The following ARHGAP44 variants were observed in gnomAD, a reference collection of about 807,000 sequenced individuals.
The protein encoded by ARHGAP44 is Rho GTPase activating protein 44, also known as rho GTPase-activating protein 44.
In ARHGAP44, 43 loss-of-function variants were observed where a neutral mutation model predicts 106.8. The observed-to-expected ratio is 0.40, with a 90% CI of 0.32 to 0.52. The LOEUF (loss-of-function observed/expected upper bound fraction) is 0.52, where lower values mean the gene tolerates loss of function less well. Among genes scored for constraint, ARHGAP44 ranks in the 20% least tolerant of loss-of-function variants. ARHGAP44 has a pLI of 0.48. For missense variants in ARHGAP44, 866 were observed against 1,050.5 expected, an observed-to-expected ratio of 0.82 and a Z score of 2.43; for synonymous variants, 439 against 410.3, an observed-to-expected ratio of 1.07 and a Z score of -0.85.
chr17:12,809,169 A>G (rs1383015870), intron 1 of ARHGAP44, among the ~76,000 whole-genome samples: 2 of 152,162 alleles, frequency 1.3e-5, no homozygotes, highest in East Asian at 1.9e-4. Context: ...CCATTCAACA[A>G]GTCTCTAGGA....
chr17:12,967,623 T>C (rs542526780), intron 16 of ARHGAP44, among the ~76,000 whole-genome samples: 1 of 152,238 alleles, frequency 6.6e-6, no homozygotes, highest in African/African-American at 2.4e-5. Flanking sequence ...GGCTTAGAAG[T>C]GAGCAGACAA....
rs1567703808 is a variant in ARHGAP44 at position 12,949,608 on chromosome 17, A to G, written c.974-41A>G. 1.3e-6 allele frequency: 2 copies of G among 1,597,920 alleles called. No individual in the cohort carries two copies. Among genetic ancestry groups the G allele is most frequent in the Non-Finnish European group, 8.6e-7 (1 of 1,166,950 alleles). ...CTGGCTGGTGGGTCTTGCCTCTGCC[A>G]CATCATAACAGTTCACAACCAATAT... On this transcript the variant is annotated intron_variant, in intron 11 of 20. Transcript: ENST00000379672. This position sits in a 1 kb window ranked among gnomAD's most constrained non-coding sequence, Gnocchi z 4.1.
At chr17:12,902,063 G>A (rs1182969609) in intron 3 of ARHGAP44, among the ~76,000 whole-genome samples, 2 of 152,096 alleles carry the variant, frequency 1.3e-5, no homozygotes, top group Non-Finnish European at 2.9e-5. Flanking sequence ...TGTTTAAATT[G>A]GAAATCCAGT....
At chr17:12,930,572 A>G (rs1481054653) in intron 7 of ARHGAP44, among the ~76,000 whole-genome samples, 2 of 152,052 alleles carry the variant, frequency 1.3e-5, no homozygotes, top group Non-Finnish European at 2.9e-5. Flanking sequence ...CCATGGATCT[A>G]TGTTCCTCTG....
chr17:12,890,493 G>A (rs957625932), intron 1 of ARHGAP44, among the ~76,000 whole-genome samples: 12 of 152,146 alleles, frequency 7.9e-5, no homozygotes, highest in Admixed American at 5.2e-4. Context: ...GGAATGCAGG[G>A]AACAGAGTCC....
chr17:12,802,362 T>C (rs970161822), intron 1 of ARHGAP44, among the ~76,000 whole-genome samples: 2 of 152,054 alleles, frequency 1.3e-5, no homozygotes, highest in East Asian at 3.9e-4. Flanking sequence ...GACCACAGAG[T>C]GTCCCTGCTG....
Position 12,952,382 on chromosome 17 carries a change from T to G in ARHGAP44, c.1056-119T>G, listed in dbSNP as rs2039011670. The G allele has an allele frequency of 1.3e-5, 10 of 795,694 alleles. No homozygotes were observed. In the South Asian group the frequency reaches 1.7e-4, roughly 14 times the overall value. The allele number at this position is 795,694 out of a possible 1,614,324, so 49.3% of individuals were successfully genotyped here. On this transcript the variant is annotated intron_variant, in intron 12 of 20. Transcript: ENST00000379672. ...ACAACCAAATTTTTAAATACTAGCT[T>G]GCTGATATGGTCAGTTACAGTGGTT...
At chr17:12,978,594 C>A (rs1411711423) in intron 18 of ARHGAP44, among the ~76,000 whole-genome samples, 1 of 152,124 alleles carries the variant, frequency 6.6e-6, no homozygotes, top group Non-Finnish European at 1.5e-5. Flanking sequence ...GTGCTCTATT[C>A]CTATTGGAAT....
intron 1 of ARHGAP44, among the ~76,000 whole-genome samples, chr17:12,881,479 T>G (rs954454314): frequency 2.6e-5 from 4 of 152,122 alleles, no homozygotes; most frequent in African/African-American, 7.2e-5. Flanking sequence ...TCTGTCATTT[T>G]TTTCCATTTT....
chr17:12,869,755 C>T (rs1159017673), intron 1 of ARHGAP44, among the ~76,000 whole-genome samples: 1 of 151,654 alleles, frequency 6.6e-6, no homozygotes, highest in Non-Finnish European at 1.5e-5. Context: ...TTGACTTATA[C>T]CTTAATGTAT....
chr17:12,969,980 C>T (rs558921244), intron 16 of ARHGAP44, among the ~76,000 whole-genome samples: 38 of 152,228 alleles, frequency 2.5e-4, no homozygotes, highest in Admixed American at 1.2e-3. Flanking sequence ...AAAATACCCA[C>T]GTTTCCATTA....
At chr17:12,931,393 A>G (rs2038395347) in intron 7 of ARHGAP44, among the ~76,000 whole-genome samples, 1 of 151,738 alleles carries the variant, frequency 6.6e-6, no homozygotes, top group Non-Finnish European at 1.5e-5. Context: ...TTTTAATAAA[A>G]CAGTCATATT....
intron 1 of ARHGAP44, among the ~76,000 whole-genome samples, chr17:12,803,687 C>T (rs1198758624): frequency 2.0e-5 from 3 of 152,074 alleles, no homozygotes; most frequent in Non-Finnish European, 4.4e-5. Context: ...TGCAGGGACT[C>T]CTTTCTTTGT....
chr17:12,793,675 T>C (rs1317669523), intron 1 of ARHGAP44, among the ~76,000 whole-genome samples: 1 of 149,354 alleles, frequency 6.7e-6, no homozygotes, highest in Non-Finnish European at 1.5e-5. Context: ...ACCACTGTAC[T>C]CCAGCCTGGG....
At chr17:12,803,512 T>TTAAGA (rs1481969474) in intron 1 of ARHGAP44, among the ~76,000 whole-genome samples, 1 of 152,158 alleles carries the variant, frequency 6.6e-6, no homozygotes, top group Non-Finnish European at 1.5e-5. Flanking sequence ...TAAACTTGAT[T>TTAAGA]TAAGAGACAG....
intron 3 of ARHGAP44, 43 bp downstream of exon 3, chr17:12,896,554 T>C: frequency 2.0e-6 from 3 of 1,526,426 alleles, no homozygotes; most frequent in Non-Finnish European, 2.7e-6. Flanking sequence ...TCTTGCCTAC[T>C]GAGGACAAGG....
At chr17:12,898,165 G>GT (rs1437664873) in intron 3 of ARHGAP44, among the ~76,000 whole-genome samples, 1 of 152,120 alleles carries the variant, frequency 6.6e-6, no homozygotes, top group African/African-American at 2.4e-5. Context: ...CTTTGTTGTG[G>GT]TGTCTGCAGC....
intron 1 of ARHGAP44, among the ~76,000 whole-genome samples, chr17:12,798,333 A>C (rs537978094): frequency 3.6e-4 from 55 of 152,314 alleles, no homozygotes; most frequent in African/African-American, 1.3e-3. Flanking sequence ...ATTATGTTAC[A>C]TATTGCATAA....
intron 1 of ARHGAP44, among the ~76,000 whole-genome samples, chr17:12,852,962 G>C (rs1255913966): frequency 6.6e-6 from 1 of 152,208 alleles, no homozygotes; most frequent in East Asian, 1.9e-4. Context: ...GTGAGGAACG[G>C]TATTTGTGAC....
Sources: allele counts gnomAD v4.1 joint callset (sites outside exome capture counted in the v4.1 genomes callset), GRCh38; gene constraint gnomAD v4.1.1; non-coding constraint Gnocchi (gnomAD v3.1); transcripts MANE v1.5; gene names NCBI Gene and HGNC (gene_info 2026-07-23, HGNC 2026-07-21).